MEF2C: variants seen among roughly 807,000 people sequenced by gnomAD.
MEF2C encodes myocyte enhancer factor 2C, also known as myocyte-specific enhancer factor 2C.
Under a neutral mutation model 50.5 loss-of-function variants are expected in MEF2C, and 6 were observed. That is an observed-to-expected ratio of 0.12 (90% CI 0.07 to 0.23). The LOEUF (loss-of-function observed/expected upper bound fraction) is 0.23, where lower values mean the gene tolerates loss of function less well. Ranked by LOEUF, MEF2C falls within the 10% of genes least tolerant of loss-of-function variation. The pLI is 1.00. For synonymous variants in MEF2C, 183 were observed against 228.0 expected, an observed-to-expected ratio of 0.80 and a Z score of 1.78; for missense variants, 276 against 605.0, an observed-to-expected ratio of 0.46 and a Z score of 5.70.
chr5:88,866,282 AT>A (rs1827352074), intron 1 of MEF2C, among the ~76,000 whole-genome samples: 1 of 152,264 alleles, frequency 6.6e-6, no homozygotes, highest in Admixed American at 6.5e-5. Context: ...CAAGCATTTC[AT>A]TCTCTTCAAC....
At chr5:88,748,928 G>C in intron 6 of MEF2C, 142 bp downstream of exon 6, 1 of 1,511,822 alleles carries the variant, frequency 6.6e-7, no homozygotes, top group South Asian at 1.3e-5. Flanking sequence ...TCAGAAAAGT[G>C]CTTTAAAAAT....
intron 1 of MEF2C, among the ~76,000 whole-genome samples, chr5:88,870,788 A>G (rs1319904472): frequency 6.6e-6 from 1 of 152,080 alleles, no homozygotes; most frequent in Non-Finnish European, 1.5e-5. Context: ...AGGCCAAACC[A>G]CTCTACCACA....
At position 88,781,704 on chromosome 5, in the gene MEF2C, G is replaced by T. The variant is rs1045416650; in HGVS notation, c.259-20376C>A. The stretch of plus-strand genomic sequence containing the variant: ...GCACATGTCCTGGCTGGGTGTGGTG[G>T]CTCACACCTGTAATCTCAGCACTTT... On this transcript the variant is annotated intron_variant, in intron 3 of 10. Coordinates refer to ENST00000504921, the MANE Select transcript of MEF2C (RefSeq NM_002397.5). Among the ~76,000 whole-genome samples the T allele has an allele frequency of 2.6e-5, 4 of 152,164 alleles. No individual in the cohort carries two copies. In the East Asian group the frequency reaches 5.8e-4, roughly 22 times the overall value.
chr5:88,788,178 GTTTATTTA>G (rs70996495), intron 3 of MEF2C, among the ~76,000 whole-genome samples: 68 of 89,202 alleles, frequency 7.6e-4, no homozygotes, highest in African/African-American at 1.4e-3. Context: ...TTGTTTGTTT[GTTTATTTA>G]TTTATTTATT....
At chr5:88,789,948 T>C (rs1261947531) in intron 3 of MEF2C, among the ~76,000 whole-genome samples, 1 of 152,192 alleles carries the variant, frequency 6.6e-6, no homozygotes, top group Non-Finnish European at 1.5e-5. Context: ...AAGAAAATAA[T>C]GAAAAAGTTA....
At chr5:88,751,392 T>C in intron 5 of MEF2C, 2 of 985,372 alleles carry the variant, frequency 2.0e-6, no homozygotes, top group Non-Finnish European at 2.4e-6. Context: ...CCTAAGTCCT[T>C]TGTGGGATAA....
chr5:88,873,719 T>G (rs1205536412), intron 1 of MEF2C, among the ~76,000 whole-genome samples: 1 of 95,220 alleles, frequency 1.1e-5, no homozygotes, highest in Non-Finnish European at 2.6e-5. Context: ...TTTTTTTTTT[T>G]TTTTTTTTTT....
intron 1 of MEF2C, among the ~76,000 whole-genome samples, chr5:88,874,026 C>T (rs1004390592): frequency 6.6e-6 from 1 of 151,852 alleles, no homozygotes; most frequent in Admixed American, 6.6e-5. Context: ...TAAACCTTTA[C>T]AAAAAGACCA....
intron 3 of MEF2C, 71 bp downstream of exon 3, chr5:88,804,527 G>T: frequency 4.5e-6 from 6 of 1,323,778 alleles, no homozygotes; most frequent in East Asian, 2.3e-5. Flanking sequence ...GTGTGTATGT[G>T]TGTGTGGCAG....
At chr5:88,833,147 G>C (rs962599065) in intron 1 of MEF2C, among the ~76,000 whole-genome samples, 1 of 152,034 alleles carries the variant, frequency 6.6e-6, no homozygotes, top group African/African-American at 2.4e-5. Flanking sequence ...ATATATACCT[G>C]ATCATCTATT....
chr5:88,850,105 G>GA (rs145236124), intron 1 of MEF2C, among the ~76,000 whole-genome samples: 54,915 of 150,300 alleles, frequency 0.37, 11,308 homozygotes, highest in East Asian at 0.47. Context: ...CCCATAACAG[G>GA]CCCCGGTGTG....
At chr5:88,811,987 T>G (rs955022269) in intron 2 of MEF2C, among the ~76,000 whole-genome samples, 1 of 152,118 alleles carries the variant, frequency 6.6e-6, no homozygotes, top group African/African-American at 2.4e-5. Flanking sequence ...AGGCATCATA[T>G]AGAGTTTTGT....
At chr5:88,775,724 T>C in intron 3 of MEF2C, 2 of 717,178 alleles carry the variant, frequency 2.8e-6, no homozygotes. Context: ...TGACTGCATA[T>C]ATTATGCAGA....
At chr5:88,844,558 T>C (rs1391295420) in intron 1 of MEF2C, 2 of 539,004 alleles carry the variant, frequency 3.7e-6, no homozygotes, top group Non-Finnish European at 4.7e-6. Context: ...TGGTTTTTTG[T>C]TACCACTCTT....
At chr5:88,869,033 T>C (rs1828309002) in intron 1 of MEF2C, among the ~76,000 whole-genome samples, 1 of 151,854 alleles carries the variant, frequency 6.6e-6, no homozygotes, top group South Asian at 2.1e-4. Context: ...GATAGAACTC[T>C]AGAAAGATAA....
At chr5:88,828,670 A>G (rs1383676076) in intron 1 of MEF2C, among the ~76,000 whole-genome samples, 1 of 152,042 alleles carries the variant, frequency 6.6e-6, no homozygotes, top group Non-Finnish European at 1.5e-5. Context: ...ACTTTGCTCA[A>G]TATGTTACAT....
rs188829929 is a variant in MEF2C, at chr5:88,760,668, C to T, written c.402+517G>A. On this transcript the variant is annotated intron_variant, in intron 4 of 10. Coordinates refer to ENST00000504921, the MANE Select transcript of MEF2C (RefSeq NM_002397.5). ...CTCAAACTTGCTTGGAAGGAGGTTC[C>T]AGTGTTTTACTCATGTATTGTGATT... 7.2e-5 allele frequency among the ~76,000 whole-genome samples: 11 copies of T among 152,238 alleles called. No individual in the cohort carries two copies. In the East Asian group the frequency reaches 1.7e-3, roughly 24 times the overall value.
intron 3 of MEF2C, among the ~76,000 whole-genome samples, chr5:88,788,448 G>A (rs1228308507): frequency 6.6e-6 from 1 of 151,180 alleles, no homozygotes; most frequent in African/African-American, 2.4e-5. Context: ...GACTTCAAAT[G>A]ATCCGCCTGC....
chr5:88,798,995 G>C (rs1797159562), intron 3 of MEF2C, among the ~76,000 whole-genome samples: 1 of 152,222 alleles, frequency 6.6e-6, no homozygotes, highest in East Asian at 1.9e-4. Context: ...AAAGATTGCT[G>C]CCTGTTCCTT....
Sources: gnomAD v4.1 joint callset for allele counts (sites outside exome capture counted in the v4.1 genomes callset) on GRCh38, gnomAD v4.1.1 for gene constraint, MANE v1.5 for transcripts, NCBI Gene and HGNC (gene_info 2026-07-23, HGNC 2026-07-21) for gene names.